Variants in SOHLH2 observed in about 807,000 individuals in gnomAD.
SOHLH2 encodes spermatogenesis- and oogenesis-specific basic helix-loop-helix-containing protein 2.
Under a neutral mutation model 50.4 loss-of-function variants are expected in SOHLH2, and 22 were observed. The observed-to-expected ratio is 0.44, with a 90% confidence interval of 0.31 to 0.62. SOHLH2 has a LOEUF of 0.62. Among genes scored for constraint, SOHLH2 ranks in the 20% least tolerant of loss-of-function variants. SOHLH2 has a pLI of 0.08. For missense variants in SOHLH2, 412 were observed against 504.4 expected, an observed-to-expected ratio of 0.82 and a Z score of 1.76; for synonymous variants, 185 against 187.3, an observed-to-expected ratio of 0.99 and a Z score of 0.10.
At chr13:36,212,316 T>C (rs1928022) in intron 1 of SOHLH2, among the ~76,000 whole-genome samples, 127,687 of 152,194 alleles carry the variant, frequency 0.84, 53,611 homozygotes, top group East Asian at 0.95. Flanking sequence ...CTTTCTCTGC[T>C]TTACAAAATC....
At chr13:36,191,083 T>C (rs535416573) in intron 5 of SOHLH2, among the ~76,000 whole-genome samples, 144 of 152,268 alleles carry the variant, frequency 9.5e-4, no homozygotes, top group Non-Finnish European at 1.9e-3. Flanking sequence ...GGAAATCAGC[T>C]TAAAGTGAAG....
At chr13:36,204,996 C>T (rs569655761) in intron 1 of SOHLH2, among the ~76,000 whole-genome samples, 12 of 152,262 alleles carry the variant, frequency 7.9e-5, no homozygotes, top group South Asian at 4.1e-4. Context: ...ATATGTCCTA[C>T]GTATTCCCAG....
rs764218457 is a variant in SOHLH2 at position 36,184,459 on chromosome 13, C to CTTTTTTTTTTTTTTTTTTTTTT, written c.641+5486_641+5487insAAAAAAAAAAAAAAAAAAAAAA. On this transcript the variant is annotated intron_variant, in intron 6 of 10. Transcript: ENST00000379881. Reference sequence around the variant, plus strand: ...TGATGGAAGTTTCTACCTACAAAGACCTTTTTTTTTTTTTTTTTTTGAGAC... The same window carrying CTTTTTTTTTTTTTTTTTTTTTT: ...TGATGGAAGTTTCTACCTACAAAGACTTTTTTTTTTTTTTTTTTTTTTCTTTTTTTTTTTTTTTTTTTGAGAC... Among the ~76,000 whole-genome samples, 44 of 81,662 alleles carry CTTTTTTTTTTTTTTTTTTTTTT rather than the reference C, an allele frequency of 5.4e-4. 6 individuals carry two copies. The highest frequency in any genetic ancestry group is 2.1e-3 in the African/African-American group (42 of 20,408). 53.6% of individuals were successfully genotyped at this position (81,662 alleles called of 152,430 possible). A position where few individuals can be genotyped will look rare whatever the true frequency, so the allele number is the denominator to read the frequency against.
At chr13:36,187,291 A>T (rs1180030968) in intron 6 of SOHLH2, among the ~76,000 whole-genome samples, 1 of 152,004 alleles carries the variant, frequency 6.6e-6, no homozygotes, top group Non-Finnish European at 1.5e-5. Context: ...GGACATGAAA[A>T]ATAATGAAAA....
At chr13:36,199,987 G>A (rs1444472452) in intron 2 of SOHLH2, among the ~76,000 whole-genome samples, 2 of 152,146 alleles carry the variant, frequency 1.3e-5, no homozygotes, top group Admixed American at 1.3e-4. Context: ...GTGAAAAAGA[G>A]GTGGTTTCAA....
intron 1 of SOHLH2, among the ~76,000 whole-genome samples, chr13:36,203,912 T>C (rs1362697603): frequency 1.3e-5 from 2 of 151,956 alleles, no homozygotes; most frequent in African/African-American, 4.8e-5. Flanking sequence ...GTCAACCACT[T>C]TTTTTTCCAG....
At chr13:36,169,164 A>T (rs1438237447) in intron 10 of SOHLH2, 110 bp from the exon 11 acceptor site, 4 of 1,413,778 alleles carry the variant, frequency 2.8e-6, no homozygotes, top group Non-Finnish European at 3.7e-6. Flanking sequence ...GATTTGCAAA[A>T]CTATGTTAAA....
At chr13:36,197,550 T>C (rs917114508) in intron 2 of SOHLH2, among the ~76,000 whole-genome samples, 1 of 152,162 alleles carries the variant, frequency 6.6e-6, no homozygotes, top group African/African-American at 2.4e-5. Context: ...AATTTCTACC[T>C]TTACTTCTCT....
At position 36,202,087 on chromosome 13, in the gene SOHLH2, T is replaced by C. The variant is rs536218578; in HGVS notation, c.55A>G (p.Ile19Val). The part of the protein sequence containing the change: ...EHCQISGQAK[I>V]DILLVGDVTV... ...ACATCTCCAACTAATAAGATGTCTA[T>C]TTTTGCCTGAAAGAGAAGGAAGCAG... is the stretch of plus-strand genomic sequence containing the variant. The change falls in exon 2 of 11, where the codon ATA becomes GTA. Residue 19 changes from isoleucine to valine, a missense_variant. Transcript: ENST00000379881. 29 of 1,614,174 alleles carry C rather than the reference T, an allele frequency of 1.8e-5. No homozygotes were observed. In the South Asian group the frequency reaches 2.9e-4, roughly 16 times the overall value.
At chr13:36,214,255 C>T (rs1335880155) in intron 1 of SOHLH2, among the ~76,000 whole-genome samples, 2 of 152,130 alleles carry the variant, frequency 1.3e-5, no homozygotes, top group Non-Finnish European at 2.9e-5. Flanking sequence ...GGCCTGGTGG[C>T]ACCCGGGGGC....
intron 10 of SOHLH2, 109 bp downstream of exon 10, chr13:36,170,422 C>G (rs966965830): frequency 3.4e-6 from 5 of 1,461,488 alleles, no homozygotes; most frequent in Non-Finnish European, 4.5e-6. Context: ...GAATCAAGCT[C>G]TTAGGTCCCA....
At chr13:36,185,123 A>G (rs1336647521) in intron 6 of SOHLH2, among the ~76,000 whole-genome samples, 1 of 152,168 alleles carries the variant, frequency 6.6e-6, no homozygotes, top group Non-Finnish European at 1.5e-5. Flanking sequence ...ATGGCTACAT[A>G]GTATTGTGTG....
chr13:36,181,341 T>C (rs1179145690), intron 6 of SOHLH2, among the ~76,000 whole-genome samples: 1 of 152,174 alleles, frequency 6.6e-6, no homozygotes, highest in African/African-American at 2.4e-5. Flanking sequence ...TTGGATATAG[T>C]TGGATAAAGG....
chr13:36,178,791 A>T (rs1593938077), intron 6 of SOHLH2, among the ~76,000 whole-genome samples: 1 of 148,810 alleles, frequency 6.7e-6, no homozygotes, highest in South Asian at 2.1e-4. Context: ...TCATAGTAAC[A>T]TTTTGAATGA....
At chr13:36,171,507 A>G (rs896889732) in intron 9 of SOHLH2, among the ~76,000 whole-genome samples, 1 of 152,176 alleles carries the variant, frequency 6.6e-6, no homozygotes, top group African/African-American at 2.4e-5. Context: ...AATTTGGAAG[A>G]CTTAACTGAT....
intron 8 of SOHLH2, 148 bp downstream of exon 8, chr13:36,174,328 G>T: frequency 2.2e-6 from 2 of 925,900 alleles, no homozygotes; most frequent in Non-Finnish European, 3.2e-6. Flanking sequence ...GCAACGAAAT[G>T]ATACACATCG....
chr13:36,205,652 G>T (rs1868715268), intron 1 of SOHLH2, among the ~76,000 whole-genome samples: 2 of 151,972 alleles, frequency 1.3e-5, no homozygotes. Flanking sequence ...TTGCATCTAT[G>T]TTCATAAATG....
intron 1 of SOHLH2, among the ~76,000 whole-genome samples, chr13:36,208,573 T>C (rs1868921293): frequency 6.6e-6 from 1 of 152,190 alleles, no homozygotes; most frequent in Non-Finnish European, 1.5e-5. Context: ...CCACCCCATA[T>C]ACTTCCCAAA....
chr13:36,198,381 T>A (rs1887798660), intron 2 of SOHLH2, among the ~76,000 whole-genome samples: 1 of 152,178 alleles, frequency 6.6e-6, no homozygotes, highest in African/African-American at 2.4e-5. Context: ...CCTTTGAGTA[T>A]CCTCAATTGT....
Sources: gnomAD v4.1 joint callset for allele counts (sites outside exome capture counted in the v4.1 genomes callset) on GRCh38, gnomAD v4.1.1 for gene constraint, MANE v1.5 for transcripts, NCBI Gene and HGNC (gene_info 2026-07-23, HGNC 2026-07-21) for gene names.